The following PIWIL2 variants were observed in gnomAD, a reference collection of about 807,000 sequenced individuals.
The protein encoded by PIWIL2 is piwi-like protein 2.
In PIWIL2, 81 loss-of-function variants were observed where a neutral mutation model predicts 116.5. That is an observed-to-expected ratio of 0.70 (90% confidence interval 0.58 to 0.84). PIWIL2 has a LOEUF of 0.84. PIWIL2 is among the 40% of genes least tolerant of loss of function. PIWIL2 has a pLI of 0.00. For missense variants in PIWIL2, 1,272 were observed against 1,212.3 expected (o/e 1.05, Z -0.73); for synonymous variants, 489 against 429.5 (o/e 1.14, Z -1.71).
intron 14 of PIWIL2, among the ~76,000 whole-genome samples, chr8:22,308,813 TA>T (rs1257540697): frequency 6.6e-6 from 1 of 152,132 alleles, no homozygotes; most frequent in Non-Finnish European, 1.5e-5. Flanking sequence ...CATGCCTGGC[TA>T]ATTTTTGTAT....
intron 22 of PIWIL2, 139 bp downstream of exon 22, chr8:22,354,517 A>C (rs1832447414): frequency 1.9e-6 from 1 of 534,850 alleles, no homozygotes; most frequent in Non-Finnish European, 3.3e-6. Context: ...TGTCTTTTTG[A>C]GGAGAGATTG....
At chr8:22,341,536 G>A (rs559533802) in intron 20 of PIWIL2, among the ~76,000 whole-genome samples, 7 of 151,026 alleles carry the variant, frequency 4.6e-5, no homozygotes, top group Non-Finnish European at 8.8e-5. Context: ...CGAAGGTTGC[G>A]GTGAACCAGG....
At chr8:22,291,255 A>G (rs866283929) in intron 10 of PIWIL2, among the ~76,000 whole-genome samples, 2 of 151,712 alleles carry the variant, frequency 1.3e-5, no homozygotes, top group South Asian at 2.1e-4. Flanking sequence ...GGTTGAAACA[A>G]TTCTCTTGCT....
rs117450180 is a variant in PIWIL2, at chr8:22,339,600, G to A, written c.2404-13359G>A. Reference sequence around the variant, plus strand: ...TAGGCACCAGTTGATTAGATATGACGCTGGAAGCAAAAGCAGCCAAAGAAA... The same window carrying A: ...TAGGCACCAGTTGATTAGATATGACACTGGAAGCAAAAGCAGCCAAAGAAA... On this transcript the variant is annotated intron_variant, in intron 20 of 22. Transcript: ENST00000356766. Among the ~76,000 whole-genome samples the A allele has an allele frequency of 7.6e-3, 1,163 of 152,158 alleles. 9 individuals carry two copies. The highest frequency in any genetic ancestry group is 0.011 in the Non-Finnish European group (757 of 68,020).
intron 20 of PIWIL2, among the ~76,000 whole-genome samples, chr8:22,349,417 G>GTATATATATATATATATATATA (rs1431825878): frequency 1.5e-5 from 2 of 134,592 alleles, no homozygotes; most frequent in African/African-American, 2.7e-5. Context: ...ATATGTGTGT[G>GTATATATATATATATATATATA]TGTATATATA....
chr8:22,321,575 G>T (rs1831600493), intron 20 of PIWIL2, among the ~76,000 whole-genome samples: 2 of 152,156 alleles, frequency 1.3e-5, no homozygotes, highest in Non-Finnish European at 2.9e-5. Context: ...AATAAGCCAG[G>T]CTTGGTGGCA....
At chr8:22,294,644 CAAAAAAAAAAAAA>C (rs897494985) in intron 10 of PIWIL2, among the ~76,000 whole-genome samples, 6 of 29,902 alleles carry the variant, frequency 2.0e-4, no homozygotes, top group African/African-American at 4.6e-4. Flanking sequence ...GACTCTGTCT[CAAAAAAAAAAAAA>C]AAAAAAAAAA....
chr8:22,347,499 G>T (rs1832255335), intron 20 of PIWIL2, among the ~76,000 whole-genome samples: 2 of 148,624 alleles, frequency 1.3e-5, no homozygotes, highest in South Asian at 4.3e-4. Context: ...TTACAGGCGT[G>T]AGCCACTGTG....
At chr8:22,351,436 CATACATATATATATATATATAT>C (rs1224397372) in intron 20 of PIWIL2, among the ~76,000 whole-genome samples, 1,315 of 46,258 alleles carry the variant, frequency 0.028, 105 homozygotes, top group East Asian at 0.064. Context: ...ACAGTGCATA[CATACATATATATATATATATAT>C]ATATATATAT....
chr8:22,305,898 TA>T (rs1189554177), intron 12 of PIWIL2, 28 bp from the exon 13 acceptor site: 3 of 1,558,598 alleles, frequency 1.9e-6, no homozygotes, highest in Non-Finnish European at 2.7e-6. Flanking sequence ...TGTACTGCCT[TA>T]TTTTCCCTCT....
chr8:22,321,889 G>A (rs1464756305), intron 20 of PIWIL2: 4 of 985,038 alleles, frequency 4.1e-6, no homozygotes, highest in Non-Finnish European at 4.8e-6. Context: ...CCGAACAGTT[G>A]CCGCCTTACA....
chr8:22,307,550 A>G (rs1036320957), intron 13 of PIWIL2, among the ~76,000 whole-genome samples: 2 of 139,156 alleles, frequency 1.4e-5, no homozygotes, highest in African/African-American at 2.9e-5. Flanking sequence ...TGGTACAATC[A>G]TGGCTCACTG....
intron 19 of PIWIL2, 97 bp from the exon 20 acceptor site, chr8:22,318,073 G>A: frequency 1.4e-6 from 1 of 695,774 alleles, no homozygotes; most frequent in Non-Finnish European, 2.5e-6. Flanking sequence ...GGATTGATTG[G>A]TAGAGAAACC....
intron 20 of PIWIL2, among the ~76,000 whole-genome samples, chr8:22,341,371 G>A (rs933192505): frequency 2.6e-5 from 4 of 151,870 alleles, no homozygotes; most frequent in South Asian, 2.1e-4. Context: ...TGAGGTGGGC[G>A]GATCACCTGA....
intron 20 of PIWIL2, among the ~76,000 whole-genome samples, chr8:22,341,509 C>T (rs560027965): frequency 1.6e-3 from 234 of 150,318 alleles, no homozygotes; most frequent in Non-Finnish European, 2.4e-3. Flanking sequence ...GCAGGAGAAT[C>T]GCTTAAACCT....
chr8:22,285,548 A>G (rs549186153), intron 6 of PIWIL2, among the ~76,000 whole-genome samples: 144 of 152,264 alleles, frequency 9.5e-4, no homozygotes, highest in Non-Finnish European at 1.9e-3. Context: ...TCTTTGACAC[A>G]CTGATTTCAA....
At chr8:22,349,425 A>C (rs914186926) in intron 20 of PIWIL2, among the ~76,000 whole-genome samples, 1 of 145,578 alleles carries the variant, frequency 6.9e-6, no homozygotes. Flanking sequence ...GTGTGTATAT[A>C]TATATATATA....
intron 6 of PIWIL2, among the ~76,000 whole-genome samples, chr8:22,287,294 C>T (rs1389910404): frequency 6.6e-6 from 1 of 152,198 alleles, no homozygotes; most frequent in African/African-American, 2.4e-5. Flanking sequence ...CGTGCTAAGG[C>T]AGGTGTCCTT....
chr8:22,295,859 C>G (rs921758735), intron 10 of PIWIL2, among the ~76,000 whole-genome samples: 1 of 152,142 alleles, frequency 6.6e-6, no homozygotes, highest in Non-Finnish European at 1.5e-5. Flanking sequence ...AATAAGGTTA[C>G]TTTCTTACGT....
Sources: gnomAD v4.1 joint callset for allele counts (sites outside exome capture counted in the v4.1 genomes callset) on GRCh38, gnomAD v4.1.1 for gene constraint, MANE v1.5 for transcripts, NCBI Gene and HGNC (gene_info 2026-07-23, HGNC 2026-07-21) for gene names.